Variants in DSCAM observed in about 807,000 individuals in gnomAD.
DSCAM encodes the protein cell adhesion molecule DSCAM.
In DSCAM, 47 loss-of-function variants were observed where a neutral mutation model predicts 217.7. That is an observed-to-expected ratio of 0.22 (90% CI 0.17 to 0.28). DSCAM has a LOEUF of 0.28. Ranked by LOEUF, DSCAM falls within the 10% of genes least tolerant of loss-of-function variation. The probability of loss-of-function intolerance (pLI) is 1.00; values close to 1 mark genes in which losing one functional copy is unlikely to be tolerated. For synonymous variants in DSCAM, 1,056 were observed against 1,015.3 expected, an observed-to-expected ratio of 1.04 and a Z score of -0.76; for missense variants, 2,080 against 2,618.3, an observed-to-expected ratio of 0.79 and a Z score of 4.49.
At chr21:40,163,097 A>G (rs894861079) in intron 16 of DSCAM, among the ~76,000 whole-genome samples, 3 of 151,596 alleles carry the variant, frequency 2.0e-5, no homozygotes, top group Admixed American at 1.3e-4. Flanking sequence ...ACACACACAC[A>G]CACACACACA....
At chr21:40,682,383 C>T (rs1439957942) in intron 3 of DSCAM, among the ~76,000 whole-genome samples, 14 of 151,610 alleles carry the variant, frequency 9.2e-5, no homozygotes, top group African/African-American at 2.7e-4. Context: ...GAGATAGCAC[C>T]GAAATATTCA....
chr21:40,113,044 A>G (rs1027907191), intron 20 of DSCAM, among the ~76,000 whole-genome samples: 1 of 152,098 alleles, frequency 6.6e-6, no homozygotes, highest in Admixed American at 6.6e-5. Context: ...GAAAAAGAGG[A>G]AATCCTCCCT....
At chr21:40,747,278 T>G (rs1371696394) in intron 1 of DSCAM, among the ~76,000 whole-genome samples, 2 of 80,422 alleles carry the variant, frequency 2.5e-5, no homozygotes, top group Non-Finnish European at 5.0e-5. Context: ...AAGGAGGTAT[T>G]TTTGTTTAAA....
intron 25 of DSCAM, among the ~76,000 whole-genome samples, chr21:40,079,365 A>C (rs2089419511): frequency 6.6e-6 from 1 of 152,204 alleles, no homozygotes; most frequent in Non-Finnish European, 1.5e-5. Flanking sequence ...AAGCACCAAC[A>C]GATTTTCCTC....
chr21:40,663,747 C>A (rs2090169262), intron 3 of DSCAM, among the ~76,000 whole-genome samples: 1 of 152,154 alleles, frequency 6.6e-6, no homozygotes. Context: ...CAGAGTACTC[C>A]AAGAGCAGTA....
chr21:40,224,602 G>C (rs2091315424), intron 11 of DSCAM, among the ~76,000 whole-genome samples: 2 of 152,160 alleles, frequency 1.3e-5, no homozygotes, highest in Non-Finnish European at 2.9e-5. Flanking sequence ...GTTGCAAAAA[G>C]AGAATTCAAT....
chr21:40,312,996 G>A (rs2074156135), intron 8 of DSCAM, among the ~76,000 whole-genome samples: 1 of 151,668 alleles, frequency 6.6e-6, no homozygotes, highest in South Asian at 2.1e-4. Flanking sequence ...GTGCACCTCT[G>A]GTCCCAGCTA....
At position 40,178,996 on chromosome 21, in the gene DSCAM, T is replaced by C; in HGVS notation, c.2878A>G (p.Met960Val). The C allele has an allele frequency of 6.2e-7, 1 of 1,614,060 alleles. No individual in the cohort carries two copies. Among genetic ancestry groups the C allele is most frequent in the Non-Finnish European group, 8.5e-7 (1 of 1,180,006 alleles). Residue 960 changes from methionine (M) to valine (V), a missense_variant, in exon 15 of 33, where the codon ATG becomes GTG. Coordinates refer to ENST00000400454, the MANE Select transcript of DSCAM (RefSeq NM_001389.5). ...IHPSSTYSIR[M>V]YAKNRIGKSE... is the part of the protein sequence containing the mutation. ...TTGCCAATCCGGTTCTTGGCGTACA[T>C]GCGGATGCTGTAGGTGGAGGAAGGG...
intron 3 of DSCAM, among the ~76,000 whole-genome samples, chr21:40,603,355 G>C (rs183075978): frequency 1.7e-4 from 26 of 152,214 alleles, no homozygotes; most frequent in African/African-American, 4.8e-4. Context: ...TGATGGCATT[G>C]TTACATAGGT....
intron 3 of DSCAM, among the ~76,000 whole-genome samples, chr21:40,501,212 TTTTG>T (rs1469835030): frequency 6.6e-6 from 1 of 152,176 alleles, no homozygotes; most frequent in Admixed American, 6.5e-5. Flanking sequence ...AAATATTATG[TTTTG>T]TTTATCAGGA....
At chr21:40,591,658 G>T (rs188211972) in intron 3 of DSCAM, among the ~76,000 whole-genome samples, 1 of 152,104 alleles carries the variant, frequency 6.6e-6, no homozygotes, top group African/African-American at 2.4e-5. Context: ...AGGTAACAAG[G>T]TATAAATATA....
At chr21:40,061,031 A>G (rs1222471862) in intron 28 of DSCAM, among the ~76,000 whole-genome samples, 1 of 152,236 alleles carries the variant, frequency 6.6e-6, no homozygotes, top group Non-Finnish European at 1.5e-5. Flanking sequence ...GATACTGTAC[A>G]GGGAATTTGC....
chr21:40,846,540 A>T, intron 1 of DSCAM, 79 bp downstream of exon 1: 1 of 315,624 alleles, frequency 3.2e-6, no homozygotes, highest in South Asian at 3.7e-5. Context: ...TTACCCATGC[A>T]TCCAATGCCA....
chr21:40,430,096 C>A (rs1391145446), intron 3 of DSCAM, among the ~76,000 whole-genome samples: 1 of 152,168 alleles, frequency 6.6e-6, no homozygotes, highest in Non-Finnish European at 1.5e-5. Flanking sequence ...CGCTGCTTGT[C>A]ACCTCTTGCT....
At position 40,044,109 on chromosome 21, in the gene DSCAM, G is replaced by T. The variant is rs773290598; in HGVS notation, c.5352C>A (p.Asp1784Glu). Residue 1784 changes from aspartate (D) to glutamate (E), a missense_variant, in exon 31 of 33, where the codon GAC becomes GAA. Transcript: ENST00000400454. ...RAAGSVDKES[D>E]SYSVSPSQDT... Reference sequence around the variant, plus strand: ...CTTGCGAGGGGCTGACGCTGTAACTGTCGCTCTCTTTGTCTACTGATCCTG... The same window carrying T: ...CTTGCGAGGGGCTGACGCTGTAACTTTCGCTCTCTTTGTCTACTGATCCTG... The T allele has an allele frequency of 6.8e-6, 11 of 1,614,016 alleles. No individual in the cohort carries two copies. Among genetic ancestry groups the T allele is most frequent in the Non-Finnish European group, 9.3e-6 (11 of 1,180,042 alleles).
At chr21:40,223,031 C>T (rs1027608910) in intron 11 of DSCAM, among the ~76,000 whole-genome samples, 23 of 152,208 alleles carry the variant, frequency 1.5e-4, no homozygotes, top group Admixed American at 3.3e-4. Context: ...GACCACGCTC[C>T]CCTCCAGCAT....
intron 21 of DSCAM, among the ~76,000 whole-genome samples, chr21:40,089,800 T>C (rs996053771): frequency 9.9e-5 from 15 of 152,058 alleles, no homozygotes; most frequent in Admixed American, 5.2e-4. Context: ...CTTATCCCCT[T>C]TCCAGAAAAC....
intron 1 of DSCAM, among the ~76,000 whole-genome samples, chr21:40,800,537 CAGAT>C (rs998073670): frequency 2.0e-4 from 30 of 152,064 alleles, no homozygotes; most frequent in African/African-American, 7.0e-4. Flanking sequence ...GATGAGATCT[CAGAT>C]AGAACTGAAA....
At chr21:40,797,807 AT>A (rs1275780434) in intron 1 of DSCAM, among the ~76,000 whole-genome samples, 5 of 152,206 alleles carry the variant, frequency 3.3e-5, no homozygotes, top group Middle Eastern at 3.4e-3. Context: ...GAAAGAAATC[AT>A]TTTTTTCTTC....
Sources: gnomAD v4.1 joint callset for allele counts (sites outside exome capture counted in the v4.1 genomes callset) on GRCh38, gnomAD v4.1.1 for gene constraint, MANE v1.5 for transcripts, NCBI Gene and HGNC (gene_info 2026-07-23, HGNC 2026-07-21) for gene names.